The following PAMR1 variants were observed in gnomAD, a reference collection of about 807,000 sequenced individuals.
PAMR1 encodes inactive serine protease PAMR1.
A neutral mutation model predicts 81.8 loss-of-function variants in PAMR1; 88 were observed. The ratio of observed to expected loss-of-function variants is 1.08; its 90% CI spans 0.91 to 1.28. The LOEUF is 1.28. Ranked by LOEUF, PAMR1 falls within the 50% of genes most tolerant of loss-of-function variation. PAMR1 has a pLI of 0.00. For missense variants in PAMR1, 935 were observed against 919.7 expected, an observed-to-expected ratio of 1.02 and a Z score of -0.21; for synonymous variants, 336 against 345.3, an observed-to-expected ratio of 0.97 and a Z score of 0.30.
Position 35,508,511 on chromosome 11 carries a change from C to T in PAMR1, c.74-14239G>A, listed in dbSNP as rs532556180. ...TATGCCACCATTTTGGAAGCAGGAACCTCCATTTTTTTTTTTTTTTTTTTT... is the reference window on the plus strand; with the variant it reads ...TATGCCACCATTTTGGAAGCAGGAATCTCCATTTTTTTTTTTTTTTTTTTT... On this transcript the variant is annotated intron_variant, in intron 1 of 10. Transcript: ENST00000619888. Among the ~76,000 whole-genome samples the T allele has an allele frequency of 2.4e-5, 3 of 127,522 alleles. No homozygotes were observed. The South Asian group carries it at 7.8e-4, about 33-fold the overall frequency. 83.7% of individuals were successfully genotyped at this position (127,522 alleles called of 152,430 possible).
intron 1 of PAMR1, among the ~76,000 whole-genome samples, chr11:35,500,889 G>A (rs1006570544): frequency 6.6e-6 from 1 of 152,082 alleles, no homozygotes; most frequent in Non-Finnish European, 1.5e-5. Context: ...TGGTATAAAA[G>A]ATTTAAAAAA....
intron 3 of PAMR1, among the ~76,000 whole-genome samples, chr11:35,475,812 TA>T (rs1397761024): frequency 2.6e-5 from 4 of 152,190 alleles, no homozygotes; most frequent in Non-Finnish European, 5.9e-5. Context: ...CAGAGTTAAG[TA>T]ATTATAGCAA....
chr11:35,441,647 C>A lies in PAMR1; in HGVS notation c.867G>T (p.Gly289=). The change falls in exon 7 of 11, where the codon GGG becomes GGT. Residue 289 remains glycine, a synonymous_variant. Coordinates refer to ENST00000619888, the MANE Select transcript of PAMR1 (RefSeq NM_001001991.3). ...NCSDPGGPVN[G]YQKITGGPGL... Reference sequence around the variant, plus strand: ...CAGGGCCCCCTGTTATTTTCTGGTACCCATTGACTGGGCCCCCAGGGTCTG... The same window carrying A: ...CAGGGCCCCCTGTTATTTTCTGGTAACCATTGACTGGGCCCCCAGGGTCTG... The A allele has an allele frequency of 3.7e-6, 6 of 1,613,848 alleles. No homozygotes were observed. Among genetic ancestry groups the A allele is most frequent in the Non-Finnish European group, 5.1e-6 (6 of 1,179,810 alleles).
chr11:35,435,446 G>A (rs1856019091), intron 9 of PAMR1, among the ~76,000 whole-genome samples: 1 of 152,038 alleles, frequency 6.6e-6, no homozygotes, highest in African/African-American at 2.4e-5. Flanking sequence ...GACCTCAAAT[G>A]ACCCACCCAC....
At chr11:35,467,946 C>A in intron 6 of PAMR1, 55 bp downstream of exon 6, 1 of 1,094,954 alleles carries the variant, frequency 9.1e-7, no homozygotes, top group South Asian at 1.4e-5. Context: ...CTCTTAAAAT[C>A]CTTCCATACC....
Position 35,467,991 on chromosome 11 carries a change from G to A in PAMR1, c.820+10C>T. 2 of 1,516,630 alleles carry A rather than the reference G, an allele frequency of 1.3e-6. No individual in the cohort carries two copies. The highest frequency in any genetic ancestry group is 1.8e-6 in the Non-Finnish European group (2 of 1,113,686). 93.9% of individuals were successfully genotyped at this position (1,516,630 alleles called of 1,614,324 possible). On this transcript the variant is annotated intron_variant, in intron 6 of 10. Coordinates refer to ENST00000619888, the MANE Select transcript of PAMR1 (RefSeq NM_001001991.3). ...TGACACCTTAACTCCCACTTAGGAA[G>A]CATACTCACGATTTTCACAGCGCTG...
At chr11:35,463,363 T>C (rs1199962643) in intron 6 of PAMR1, among the ~76,000 whole-genome samples, 2 of 152,226 alleles carry the variant, frequency 1.3e-5, no homozygotes, top group African/African-American at 2.4e-5. Context: ...AGTGTGAGCA[T>C]TGTGCCCCAA....
Position 35,439,624 on chromosome 11 carries a change from C to T in PAMR1, c.1100+3G>A. ...GGGCAGAGTGCAGGTGTTTTGACCTCACCTTGACTGAACCTGCATCGGAAG... is the reference window on the plus strand; with the variant it reads ...GGGCAGAGTGCAGGTGTTTTGACCTTACCTTGACTGAACCTGCATCGGAAG... On this transcript the variant is annotated splice_donor_region_variant and intron_variant, in intron 8 of 10. Coordinates refer to ENST00000619888, the MANE Select transcript of PAMR1 (RefSeq NM_001001991.3). The T allele has an allele frequency of 6.2e-7, 1 of 1,612,408 alleles. No homozygotes were observed. Among genetic ancestry groups the T allele is most frequent in the South Asian group, 1.1e-5 (1 of 91,046 alleles).
chr11:35,466,696 T>C (rs373591963), intron 6 of PAMR1, among the ~76,000 whole-genome samples: 9 of 126,476 alleles, frequency 7.1e-5, no homozygotes, highest in Admixed American at 2.0e-4. Context: ...CACTGCACTC[T>C]AGCCTGGGCG....
intron 6 of PAMR1, among the ~76,000 whole-genome samples, chr11:35,456,860 C>T (rs1214233957): frequency 6.6e-6 from 1 of 152,222 alleles, no homozygotes; most frequent in Non-Finnish European, 1.5e-5. Flanking sequence ...CTCTTACACA[C>T]AGAGAAGAGC....
chr11:35,441,560 G>C lies in PAMR1; in HGVS notation c.954C>G (p.Ser318=). 1.9e-6 allele frequency: 3 copies of C among 1,613,996 alleles called. No homozygotes were observed. The highest frequency in any genetic ancestry group is 2.5e-6 in the Non-Finnish European group (3 of 1,179,930). Residue 318 remains serine (S), a synonymous_variant, in exon 7 of 11, where the codon TCC becomes TCG. Transcript: ENST00000619888. The stretch of plus-strand genomic sequence containing the variant: ...TTTTCTCATTGCCACTAAGAACATA[G>C]GAGTTGTTACAAAAGAAAGACACCA... ...GTVVSFFCNN[S]YVLSGNEKRT... is the part of the protein sequence containing the mutation.
intron 6 of PAMR1, among the ~76,000 whole-genome samples, chr11:35,460,727 T>G (rs993210166): frequency 5.6e-4 from 86 of 152,336 alleles, no homozygotes; most frequent in African/African-American, 2.0e-3. Context: ...TCTATCATTG[T>G]TGGACATTTG....
intron 6 of PAMR1, among the ~76,000 whole-genome samples, chr11:35,444,773 T>C (rs374776822): frequency 3.9e-5 from 6 of 152,254 alleles, no homozygotes; most frequent in South Asian, 2.1e-4. Flanking sequence ...TTGGTTAGTG[T>C]GATGCCTTCA....
At chr11:35,484,199 A>G (rs559731685) in intron 3 of PAMR1, among the ~76,000 whole-genome samples, 1 of 152,334 alleles carries the variant, frequency 6.6e-6, no homozygotes, top group Admixed American at 6.5e-5. Flanking sequence ...ATCTTCACAA[A>G]AACTCTCAAG....
In PAMR1 at chr11:35,473,369, T is replaced by C. The variant is rs1351823168; in HGVS notation, c.494+1261A>G. 2.0e-5 allele frequency among the ~76,000 whole-genome samples: 3 copies of C among 152,176 alleles called. No homozygotes were observed. In the South Asian group the frequency reaches 6.2e-4, roughly 32 times the overall value. On this transcript the variant is annotated intron_variant, in intron 4 of 10. Transcript: ENST00000619888. The stretch of plus-strand genomic sequence containing the variant: ...TGCTATTTTAGAATATCCTTTTGCA[T>C]CTTGGATTTTGGAGAAGCTCCTCAG...
At chr11:35,516,703 G>A (rs1383430154) in intron 1 of PAMR1, among the ~76,000 whole-genome samples, 1 of 152,220 alleles carries the variant, frequency 6.6e-6, no homozygotes, top group Non-Finnish European at 1.5e-5. Flanking sequence ...CAGCCCCAGT[G>A]TAAACAGACA....
chr11:35,433,003 C>A (rs946337835), intron 10 of PAMR1, 111 bp from the exon 11 acceptor site: 23 of 888,312 alleles, frequency 2.6e-5, no homozygotes, highest in Non-Finnish European at 3.8e-5. Context: ...GAGGCAGCTA[C>A]AATTATTTGG....
At chr11:35,504,268 C>T (rs1850907982) in intron 1 of PAMR1, among the ~76,000 whole-genome samples, 1 of 152,054 alleles carries the variant, frequency 6.6e-6, no homozygotes, top group African/African-American at 2.4e-5. Context: ...TTGTTGAATT[C>T]AGTTCGCTAG....
At chr11:35,461,450 A>G (rs564443141) in intron 6 of PAMR1, among the ~76,000 whole-genome samples, 4 of 152,262 alleles carry the variant, frequency 2.6e-5, no homozygotes, top group South Asian at 2.1e-4. Context: ...CCCTTATGTC[A>G]GAACCCCTAA....
Sources: allele counts gnomAD v4.1 joint callset (sites outside exome capture counted in the v4.1 genomes callset), GRCh38; gene constraint gnomAD v4.1.1; transcripts MANE v1.5; gene names NCBI Gene and HGNC (gene_info 2026-07-23, HGNC 2026-07-21).